Variants in ARHGAP35 observed in about 807,000 individuals in gnomAD.
The protein encoded by ARHGAP35 is Rho GTPase activating protein 35.
ARHGAP35 carries 15 observed loss-of-function variants against 111.1 expected under a neutral mutation model. The ratio of observed to expected loss-of-function variants is 0.13; its 90% CI spans 0.09 to 0.21. The LOEUF (loss-of-function observed/expected upper bound fraction) is 0.21, where lower values mean the gene tolerates loss of function less well. ARHGAP35 is among the 10% of genes least tolerant of loss of function. The pLI is 1.00. For synonymous variants in ARHGAP35, 643 were observed against 710.3 expected (o/e 0.91, Z 1.51); for missense variants, 1,262 against 1,873.0 (o/e 0.67, Z 6.02).
chr19:46,869,475 A>ATTGTGT (rs2055876044), intron 1 of ARHGAP35, among the ~76,000 whole-genome samples: 1 of 118,084 alleles, frequency 8.5e-6, no homozygotes, highest in Admixed American at 8.5e-5. Context: ...AAGAAAAAAA[A>ATTGTGT]TTGTGTGTGT....
At position 47,000,598 on chromosome 19, in the gene ARHGAP35, G is replaced by A. The variant is rs1314745608; in HGVS notation, c.4410G>A (p.Gln1470=). The A allele has an allele frequency of 8.1e-6, 13 of 1,613,150 alleles. No homozygotes were observed. In the East Asian group the frequency reaches 2.9e-4, roughly 36 times the overall value. ...PFLTSTPVTS[Q]PSPPQSPPPT... The stretch of plus-strand genomic sequence containing the variant: ...TCACTTCCACGCCTGTCACAAGTCA[G>A]CCGTCGCCCCCACAGTCGCCTCCAC... The change falls in exon 7 of 7, where the codon CAG becomes CAA. Residue 1470 remains glutamine, a synonymous_variant. Coordinates refer to ENST00000672722, the MANE Select transcript of ARHGAP35 (RefSeq NM_004491.5). The surrounding 1 kb of genome is among the most constrained non-coding windows in gnomAD (Gnocchi z 6.9).
At chr19:46,944,271 C>T (rs908189877) in intron 3 of ARHGAP35, among the ~76,000 whole-genome samples, 11 of 144,922 alleles carry the variant, frequency 7.6e-5, no homozygotes, top group Admixed American at 4.9e-4. Context: ...TGCACTCCAG[C>T]ATGGGCGACA....
At chr19:46,892,468 C>CA (rs982546554) in intron 1 of ARHGAP35, among the ~76,000 whole-genome samples, 6,507 of 66,910 alleles carry the variant, frequency 0.097, 241 homozygotes, top group East Asian at 0.25. Context: ...AACCCTGTCT[C>CA]AAAAAAAAAA....
At chr19:46,903,017 T>C (rs2056089455) in intron 1 of ARHGAP35, among the ~76,000 whole-genome samples, 1 of 152,170 alleles carries the variant, frequency 6.6e-6, no homozygotes, top group Non-Finnish European at 1.5e-5. Context: ...GGAGCGGTAA[T>C]AGCCAGAAGG....
chr19:47,001,228 A>G lies in ARHGAP35; in HGVS notation c.*540A>G, dbSNP rs1224174034. ...GGCCACGGCTCTGCCACCACTAGGT[A>G]CCTGCTGAGGGCGCTGGCTCTGCAG... On this transcript the variant is annotated 3_prime_UTR_variant, in exon 7 of 7. Coordinates refer to ENST00000672722, the MANE Select transcript of ARHGAP35 (RefSeq NM_004491.5). The surrounding 1 kb of genome is among the most constrained non-coding windows in gnomAD (Gnocchi z 5.4). 1 of 1,281,476 alleles carries G rather than the reference A, an allele frequency of 7.8e-7. No homozygotes were observed. Among genetic ancestry groups the G allele is most frequent in the Non-Finnish European group, 1.0e-6 (1 of 985,592 alleles). 79.4% of individuals were successfully genotyped at this position (1,281,476 alleles called of 1,614,324 possible). A position where few individuals can be genotyped will look rare whatever the true frequency, so the allele number is the denominator to read the frequency against.
Position 46,994,412 on chromosome 19 carries a change from G to A in ARHGAP35, c.4036+4737G>A, listed in dbSNP as rs562169162. On this transcript the variant is annotated intron_variant, in intron 5 of 6. Coordinates refer to ENST00000672722, the MANE Select transcript of ARHGAP35 (RefSeq NM_004491.5). The surrounding 1 kb of genome is among the most constrained non-coding windows in gnomAD (Gnocchi z 5.4). ...CTTCGGCAGCACCATAGGGTAGAAGGTGTCCAGGGTGCACGGGCTGGGCTG... is the reference window on the plus strand; with the variant it reads ...CTTCGGCAGCACCATAGGGTAGAAGATGTCCAGGGTGCACGGGCTGGGCTG... 2.2e-3 allele frequency among the ~76,000 whole-genome samples: 328 copies of A among 152,336 alleles called. No individual in the cohort carries two copies. Among genetic ancestry groups the A allele is most frequent in the Non-Finnish European group, 3.2e-3 (220 of 68,036 alleles).
intron 1 of ARHGAP35, among the ~76,000 whole-genome samples, chr19:46,885,101 T>C (rs1172607288): frequency 6.6e-6 from 1 of 152,160 alleles, no homozygotes; most frequent in Admixed American, 6.6e-5. Flanking sequence ...TAATAATCCA[T>C]AGGACATAAT....
At chr19:46,869,866 C>T (rs2055878447) in intron 1 of ARHGAP35, among the ~76,000 whole-genome samples, 3 of 151,624 alleles carry the variant, frequency 2.0e-5, no homozygotes, top group Admixed American at 2.0e-4. Context: ...TTCAGAAATG[C>T]CTGTTAACGT....
At chr19:46,990,679 C>G (rs1189444975) in intron 5 of ARHGAP35, among the ~76,000 whole-genome samples, 1 of 152,170 alleles carries the variant, frequency 6.6e-6, no homozygotes, top group African/African-American at 2.4e-5. Flanking sequence ...TTTAAACAAG[C>G]ACAATTTATT....
At chr19:46,955,675 A>G (rs1316790882) in intron 3 of ARHGAP35, among the ~76,000 whole-genome samples, 1 of 152,072 alleles carries the variant, frequency 6.6e-6, no homozygotes, top group Non-Finnish European at 1.5e-5. Context: ...TGTGGCAGGA[A>G]GCTTTATGCT....
intron 1 of ARHGAP35, among the ~76,000 whole-genome samples, chr19:46,898,373 TAAAAAG>T (rs1274569465): frequency 1.3e-5 from 2 of 152,108 alleles, no homozygotes; most frequent in African/African-American, 4.8e-5. Flanking sequence ...CCTAAAAAAT[TAAAAAG>T]AAAAACAACT....
At chr19:46,889,457 CAAAA>C (rs1003212229) in intron 1 of ARHGAP35, among the ~76,000 whole-genome samples, 1 of 151,406 alleles carries the variant, frequency 6.6e-6, no homozygotes, top group Non-Finnish European at 1.5e-5. Context: ...AACTCCATCT[CAAAA>C]AAACAAAAAC....
At chr19:46,987,652 TA>T (rs1006786081) in intron 3 of ARHGAP35, among the ~76,000 whole-genome samples, 37 of 152,368 alleles carry the variant, frequency 2.4e-4, no homozygotes, top group African/African-American at 8.4e-4. Flanking sequence ...GTAATTGGGT[TA>T]AAATATATAC....
intron 1 of ARHGAP35, among the ~76,000 whole-genome samples, chr19:46,874,779 GGT>G (rs1421243651): frequency 1.6e-4 from 23 of 145,022 alleles, no homozygotes; most frequent in Non-Finnish European, 3.0e-4. Context: ...CTAGGATACA[GGT>G]GTGAGCCACT....
intron 2 of ARHGAP35, among the ~76,000 whole-genome samples, chr19:46,933,129 T>C (rs1056196023): frequency 6.8e-6 from 1 of 147,510 alleles, no homozygotes; most frequent in Admixed American, 6.9e-5. Context: ...CAGTGATCAG[T>C]GTGCCTTCTT....
At chr19:46,886,559 G>C (rs1260543927) in intron 1 of ARHGAP35, among the ~76,000 whole-genome samples, 2 of 152,190 alleles carry the variant, frequency 1.3e-5, no homozygotes, top group Non-Finnish European at 2.9e-5. Context: ...TTTAACTGTA[G>C]GATAAATTGC....
At chr19:46,895,542 T>C (rs560297307) in intron 1 of ARHGAP35, among the ~76,000 whole-genome samples, 1 of 152,360 alleles carries the variant, frequency 6.6e-6, no homozygotes, top group East Asian at 1.9e-4. Context: ...TTTCTCACAA[T>C]TTAATGCTCA....
intron 5 of ARHGAP35, among the ~76,000 whole-genome samples, chr19:46,991,851 TA>T (rs2056681040): frequency 6.6e-6 from 1 of 152,248 alleles, no homozygotes. Flanking sequence ...TTTCCATGGC[TA>T]CATCAACTTG....
chr19:46,866,452 C>G (rs1260607849), intron 1 of ARHGAP35, among the ~76,000 whole-genome samples: 1 of 152,196 alleles, frequency 6.6e-6, no homozygotes, highest in Non-Finnish European at 1.5e-5. Context: ...GACCTGGCTT[C>G]TGATCTAGGC....
Sources: gnomAD v4.1 joint callset for allele counts (sites outside exome capture counted in the v4.1 genomes callset) on GRCh38, gnomAD v4.1.1 for gene constraint, Gnocchi (gnomAD v3.1) non-coding constraint, MANE v1.5 for transcripts, NCBI Gene and HGNC (gene_info 2026-07-23, HGNC 2026-07-21) for gene names.